Variants in GRXCR2 observed in about 807,000 individuals in gnomAD.
GRXCR2 encodes glutaredoxin and cysteine rich domain containing 2.
In GRXCR2, 23 loss-of-function variants were observed where a neutral mutation model predicts 24.8. That is an observed-to-expected ratio of 0.93 (90% CI 0.67 to 1.32). The LOEUF (loss-of-function observed/expected upper bound fraction) is 1.32, where lower values mean the gene tolerates loss of function less well. Ranked by LOEUF, GRXCR2 falls within the 40% of genes most tolerant of loss-of-function variation. The probability of loss-of-function intolerance (pLI) is 0.00; values close to 1 mark genes in which losing one functional copy is unlikely to be tolerated. For synonymous variants in GRXCR2, 130 were observed against 116.1 expected, an observed-to-expected ratio of 1.12 and a Z score of -0.77; for missense variants, 315 against 303.4, an observed-to-expected ratio of 1.04 and a Z score of -0.28.
chr5:145,880,961 C>T (rs1484424374), intron 2 of GRXCR2, among the ~76,000 whole-genome samples: 1 of 152,172 alleles, frequency 6.6e-6, no homozygotes, highest in Non-Finnish European at 1.5e-5. Context: ...CAGAAAAGGC[C>T]TTTGACAAAA....
chr5:145,879,744 T>C (rs534336255), intron 2 of GRXCR2, among the ~76,000 whole-genome samples: 2 of 152,302 alleles, frequency 1.3e-5, no homozygotes, highest in Non-Finnish European at 2.9e-5. Context: ...ATCAACAGAA[T>C]ATACATTCTT....
At chr5:145,923,785 T>C (rs1025077769) in intron 2 of GRXCR2, among the ~76,000 whole-genome samples, 14 of 152,296 alleles carry the variant, frequency 9.2e-5, no homozygotes, top group Non-Finnish European at 1.5e-5. Flanking sequence ...TATCGATATA[T>C]ACTAATTTAC....
At chr5:145,930,762 G>A (rs574284289) in intron 2 of GRXCR2, among the ~76,000 whole-genome samples, 2 of 152,262 alleles carry the variant, frequency 1.3e-5, no homozygotes, top group South Asian at 4.1e-4. Context: ...CTGGCATCTG[G>A]TTCTTTTATG....
intron 2 of GRXCR2, among the ~76,000 whole-genome samples, chr5:145,865,645 C>A (rs1396588579): frequency 6.6e-6 from 1 of 152,186 alleles, no homozygotes; most frequent in Non-Finnish European, 1.5e-5. Context: ...ACAGTAGCGT[C>A]CAGCTCACTT....
chr5:145,891,252 G>A (rs934657696), intron 2 of GRXCR2, among the ~76,000 whole-genome samples: 2 of 152,138 alleles, frequency 1.3e-5, no homozygotes, highest in Non-Finnish European at 2.9e-5. Flanking sequence ...TGAGGTACCA[G>A]GTTCAACTCA....
intron 2 of GRXCR2, among the ~76,000 whole-genome samples, chr5:145,919,053 G>A (rs767400807): frequency 1.3e-5 from 2 of 152,096 alleles, no homozygotes; most frequent in Non-Finnish European, 2.9e-5. Context: ...TGCTTCACAG[G>A]GACTGAGCAT....
At chr5:145,878,710 C>A (rs182586723) in intron 2 of GRXCR2, among the ~76,000 whole-genome samples, 1 of 152,172 alleles carries the variant, frequency 6.6e-6, no homozygotes, top group Admixed American at 6.5e-5. Context: ...CACAAAGATA[C>A]TCCTCGAGAA....
At chr5:145,877,910 G>T (rs1244687806), upstream of GRXCR2, among the ~76,000 whole-genome samples, 1 of 152,244 alleles carries the variant, frequency 6.6e-6, no homozygotes, top group Non-Finnish European at 1.5e-5. Context: ...ACAGGGTCTG[G>T]AGTGGACCTC....
rs185505356 is a variant in GRXCR2, at chr5:145,919,295, A to G, written c.-70+16406T>C. ...GGAGGGCATGCAGAAGAGGATCCCAATGAGGAACTCTTAAAAATCCTCCAT... is the reference window on the plus strand; with the variant it reads ...GGAGGGCATGCAGAAGAGGATCCCAGTGAGGAACTCTTAAAAATCCTCCAT... On this transcript the variant is annotated intron_variant, in intron 2 of 3. Transcript: ENST00000639411. 3.9e-4 allele frequency among the ~76,000 whole-genome samples: 60 copies of G among 152,344 alleles called. 1 individual carries two copies. Among genetic ancestry groups the G allele is most frequent in the African/African-American group, 1.3e-3 (55 of 41,574 alleles).
At chr5:145,907,035 C>T (rs552034534) in intron 2 of GRXCR2, among the ~76,000 whole-genome samples, 1 of 152,074 alleles carries the variant, frequency 6.6e-6, no homozygotes, top group African/African-American at 2.4e-5. Context: ...CAGGACCGTG[C>T]CTGGAAGGTC....
At chr5:145,904,003 A>T (rs1561687458) in intron 2 of GRXCR2, among the ~76,000 whole-genome samples, 1 of 152,198 alleles carries the variant, frequency 6.6e-6, no homozygotes, top group Non-Finnish European at 1.5e-5. Flanking sequence ...ATTTCACAAC[A>T]CTTTAGAGAC....
At chr5:145,896,981 G>T (rs1756959355) in intron 2 of GRXCR2, among the ~76,000 whole-genome samples, 1 of 152,030 alleles carries the variant, frequency 6.6e-6, no homozygotes, top group Non-Finnish European at 1.5e-5. Context: ...CATGTCCTTT[G>T]TAGGGACATG....
At chr5:145,891,062 C>G (rs1218938292) in intron 2 of GRXCR2, among the ~76,000 whole-genome samples, 1 of 152,094 alleles carries the variant, frequency 6.6e-6, no homozygotes, top group Non-Finnish European at 1.5e-5. Flanking sequence ...AACAAGAAGA[C>G]TTAATTACCA....
At position 145,859,483 on chromosome 5, in the gene GRXCR2, C is replaced by T. The variant is rs1249463740; in HGVS notation, c.*250G>A. Reference sequence around the variant, plus strand: ...TCAAGTGAGATACACTCACACCATCCTGGAAGGATAATTTTAGAACCAGTT... The same window carrying T: ...TCAAGTGAGATACACTCACACCATCTTGGAAGGATAATTTTAGAACCAGTT... On this transcript the variant is annotated 3_prime_UTR_variant, in exon 3 of 3. Coordinates refer to ENST00000377976, the MANE Select transcript of GRXCR2 (RefSeq NM_001080516.2). 1 of 549,012 alleles carries T rather than the reference C, an allele frequency of 1.8e-6. No individual in the cohort carries two copies. Among genetic ancestry groups the T allele is most frequent in the Non-Finnish European group, 3.3e-6 (1 of 307,102 alleles). The allele number at this position is 549,012 out of a possible 1,614,324, so 34.0% of individuals were successfully genotyped here. A position where few individuals can be genotyped will look rare whatever the true frequency, so the allele number is the denominator to read the frequency against.
At chr5:145,896,847 C>A (rs185471802) in intron 2 of GRXCR2, among the ~76,000 whole-genome samples, 1 of 151,882 alleles carries the variant, frequency 6.6e-6, no homozygotes, top group Admixed American at 6.6e-5. Context: ...ATGTTTATTG[C>A]GGCACTATTC....
Position 145,909,508 on chromosome 5 carries a change from A to T in GRXCR2, c.-70+26193T>A, listed in dbSNP as rs201989083. Among the ~76,000 whole-genome samples the T allele has an allele frequency of 2.6e-5, 4 of 152,116 alleles. No homozygotes were observed. The East Asian group carries it at 7.7e-4, about 29-fold the overall frequency. On this transcript the variant is annotated intron_variant, in intron 2 of 3. Transcript: ENST00000639411. ...CAGAGAAGACTTTCCTGACCATCAA[A>T]CTAAAGCAGTCTCTATTGCCCCCCT... is the stretch of plus-strand genomic sequence containing the variant.
At chr5:145,911,869 A>G (rs1015203251) in intron 2 of GRXCR2, among the ~76,000 whole-genome samples, 1 of 152,184 alleles carries the variant, frequency 6.6e-6, no homozygotes, top group African/African-American at 2.4e-5. Context: ...TGGAAGGATC[A>G]CTTGAGTCTA....
intron 2 of GRXCR2, among the ~76,000 whole-genome samples, chr5:145,923,335 T>G (rs1428276548): frequency 6.6e-6 from 1 of 152,050 alleles, no homozygotes; most frequent in African/African-American, 2.4e-5. Context: ...TGATAAGCAA[T>G]GAGCCTGCAA....
At chr5:145,911,393 G>T (rs1561689352) in intron 2 of GRXCR2, among the ~76,000 whole-genome samples, 1 of 152,326 alleles carries the variant, frequency 6.6e-6, no homozygotes, top group East Asian at 1.9e-4. Context: ...GCAGCTATGG[G>T]TCTGCAGAGT....
Sources: allele counts gnomAD v4.1 joint callset (sites outside exome capture counted in the v4.1 genomes callset), GRCh38; gene constraint gnomAD v4.1.1; transcripts MANE v1.5; gene names NCBI Gene and HGNC (gene_info 2026-07-23, HGNC 2026-07-21).